BFSP2: variants seen among roughly 807,000 people sequenced by gnomAD.
The protein encoded by BFSP2 is phakinin.
Under a neutral mutation model 44.9 loss-of-function variants are expected in BFSP2, and 38 were observed. That is an observed-to-expected ratio of 0.85 (90% CI 0.65 to 1.11). The LOEUF (loss-of-function observed/expected upper bound fraction) is 1.11. Among genes scored for constraint, BFSP2 ranks in the 50% least tolerant of loss-of-function variants. BFSP2 has a pLI of 0.00. For missense variants in BFSP2, 525 were observed against 533.0 expected (o/e 0.99, Z 0.15); for synonymous variants, 197 against 209.9 (o/e 0.94, Z 0.53).
In BFSP2 at chr3:133,400,337, T is replaced by A. The variant is rs1349351627; in HGVS notation, c.254T>A (p.Leu85His). The A allele has an allele frequency of 6.8e-6, 11 of 1,613,952 alleles. No homozygotes were observed. The highest frequency in any genetic ancestry group is 7.6e-6 in the Non-Finnish European group (9 of 1,180,054). Reference protein sequence around the residue: ...RRALGISSVFLQGLRSSGLAT... With the variant: ...RRALGISSVFHQGLRSSGLAT... ...GCCCTCGGCATCAGCAGTGTCTTCC[T>A]TCAGGGCCTGCGGAGCTCAGGCCTG... The change falls in exon 1 of 7, where the codon CTT becomes CAT. Residue 85 changes from leucine to histidine, a missense_variant. Coordinates refer to ENST00000302334, the MANE Select transcript of BFSP2 (RefSeq NM_003571.4). This position sits in a 1 kb window ranked among gnomAD's most constrained non-coding sequence, Gnocchi z 4.0.
rs1234177708 is a variant in BFSP2 at position 133,400,980 on chromosome 3, G to A, written c.489+408G>A. 6.6e-6 allele frequency among the ~76,000 whole-genome samples: 1 copy of A among 152,190 alleles called. No homozygotes were observed. The highest frequency in any genetic ancestry group is 2.4e-5 in the African/African-American group (1 of 41,434). ...TGGGGCTGCCTCAGTCACCTTTACT[G>A]TTGAGAAGGGATTTTTACAGCTATT... On this transcript the variant is annotated intron_variant, in intron 1 of 6. Coordinates refer to ENST00000302334, the MANE Select transcript of BFSP2 (RefSeq NM_003571.4). This position sits in a 1 kb window ranked among gnomAD's most constrained non-coding sequence, Gnocchi z 4.0.
intron 1 of BFSP2, among the ~76,000 whole-genome samples, chr3:133,418,734 T>C (rs1178535657): frequency 6.6e-6 from 1 of 152,168 alleles, no homozygotes; most frequent in East Asian, 1.9e-4. Flanking sequence ...AACAAAATCA[T>C]GTTCCTTCCC....
chr3:133,446,768 CA>C (rs1399987209), intron 1 of BFSP2, among the ~76,000 whole-genome samples: 1 of 150,578 alleles, frequency 6.6e-6, no homozygotes, highest in Non-Finnish European at 1.5e-5. Flanking sequence ...ACTATATCCA[CA>C]ATGTTTATGT....
chr3:133,400,166 G>C lies in BFSP2; in HGVS notation c.83G>C (p.Arg28Thr). ...CTCCAGAGGCGCAGGGCGTCCTTCA[G>C]GGGGCCACGGTCATCATCCTCCCTG... The part of the protein sequence containing the change: ...MPLQRRRASF[R>T]GPRSSSSLES... The change falls in exon 1 of 7, where the codon AGG becomes ACG. Residue 28 changes from arginine to threonine, a missense_variant. Coordinates refer to ENST00000302334, the MANE Select transcript of BFSP2 (RefSeq NM_003571.4). The surrounding 1 kb of genome is among the most constrained non-coding windows in gnomAD (Gnocchi z 4.0). 8 of 1,614,130 alleles carry C rather than the reference G, an allele frequency of 5.0e-6. No individual in the cohort carries two copies. The highest frequency in any genetic ancestry group is 6.8e-6 in the Non-Finnish European group (8 of 1,180,032).
chr3:133,433,662 C>T (rs953866875), intron 1 of BFSP2, among the ~76,000 whole-genome samples: 1 of 152,210 alleles, frequency 6.6e-6, no homozygotes, highest in African/African-American at 2.4e-5. Flanking sequence ...TCAGTTTAGC[C>T]TTCCCACCTC....
intron 3 of BFSP2, among the ~76,000 whole-genome samples, chr3:133,450,016 A>AGGAAGGAAGGAAGGAG (rs1225503133): frequency 0.016 from 1,495 of 92,506 alleles, 14 homozygotes; most frequent in African/African-American, 0.046. Context: ...GAAGGAAGGA[A>AGGAAGGAAGGAAGGAG]GGAGGGAGGG....
intron 1 of BFSP2, among the ~76,000 whole-genome samples, chr3:133,446,597 T>A (rs1247852315): frequency 6.0e-4 from 19 of 31,502 alleles, no homozygotes; most frequent in African/African-American, 3.0e-3. Context: ...TATATATATA[T>A]ATATATATAT....
At position 133,472,358 on chromosome 3, in the gene BFSP2, AG is replaced by A; in HGVS notation, c.1038del (p.Asn347ThrfsTer78). 6.2e-7 allele frequency: 1 copy of A among 1,612,742 alleles called. No homozygotes were observed. The highest frequency in any genetic ancestry group is 8.5e-7 in the Non-Finnish European group (1 of 1,179,954). On this transcript the variant is annotated frameshift_variant, in exon 6 of 7. Coordinates refer to ENST00000302334, the MANE Select transcript of BFSP2 (RefSeq NM_003571.4). LOFTEE classifies it high-confidence loss of function. The stretch of plus-strand genomic sequence containing the variant: ...GCTCTTTTGTAGAAACGAGGCCTGG[AG>A]AACACCTTGCACGATGCCAAGCACT... ...ESLRALKRGLENTLHDAKHWH... is the reference protein window; with the variant it reads ...ESLRALKRGLXNTLHDAKHWH...
At chr3:133,429,447 C>A (rs2073686794) in intron 1 of BFSP2, 1 of 152,318 alleles carries the variant, frequency 6.6e-6, no homozygotes, top group Admixed American at 6.5e-5. Flanking sequence ...CTCAGGGGAC[C>A]TCAGTCTTTG....
At chr3:133,440,335 C>T (rs2073833173) in intron 1 of BFSP2, among the ~76,000 whole-genome samples, 1 of 152,198 alleles carries the variant, frequency 6.6e-6, no homozygotes, top group African/African-American at 2.4e-5. Context: ...CCAACCATAT[C>T]AGCAGGAGAT....
chr3:133,412,438 A>C (rs1304791356), intron 1 of BFSP2: 1 of 152,276 alleles, frequency 6.6e-6, no homozygotes, highest in Non-Finnish European at 1.5e-5. Flanking sequence ...AGCTGCTTAC[A>C]TGAGCGCGTT....
At chr3:133,446,570 TTATATATA>T (rs1168844039) in intron 1 of BFSP2, among the ~76,000 whole-genome samples, 2 of 22,384 alleles carry the variant, frequency 8.9e-5, no homozygotes, top group Non-Finnish European at 3.0e-4. Context: ...AGCTCACCAT[TTATATATA>T]TATATATATA....
chr3:133,431,076 ATGGTTCGTT>A (rs2073711726), intron 1 of BFSP2, among the ~76,000 whole-genome samples: 1 of 102,680 alleles, frequency 9.7e-6, no homozygotes, highest in Admixed American at 1.1e-4. Context: ...AGCCCAGTTC[ATGGTTCGTT>A]CGGCAGCAAC....
intron 4 of BFSP2, among the ~76,000 whole-genome samples, chr3:133,462,454 G>A (rs1456028366): frequency 6.6e-6 from 1 of 152,176 alleles, no homozygotes; most frequent in Non-Finnish European, 1.5e-5. Context: ...ATCATGTGAG[G>A]GACTGTGGCT....
intron 4 of BFSP2, chr3:133,455,262 C>G (rs1425555004): frequency 6.6e-6 from 1 of 152,196 alleles, no homozygotes; most frequent in Non-Finnish European, 1.5e-5. Flanking sequence ...ATATGACTGG[C>G]AGTGCAATAG....
Position 133,424,212 on chromosome 3 carries a change from A to ATT in BFSP2, c.490-23077_490-23076dup, listed in dbSNP as rs112772093. Among the ~76,000 whole-genome samples the ATT allele has an allele frequency of 2.5e-3, 164 of 64,722 alleles. 2 individuals are homozygous for ATT. The highest frequency in any genetic ancestry group is 4.6e-3 in the Non-Finnish European group (114 of 24,564). 42.5% of individuals were successfully genotyped at this position (64,722 alleles called of 152,430 possible). On this transcript the variant is annotated intron_variant, in intron 1 of 6. Transcript: ENST00000302334. Reference sequence around the variant, plus strand: ...AGGCGCCTACCACCGCGTCCAGCTAATTTTTTTTTTTTTTTTTTTTTTTTT... The same window carrying ATT: ...AGGCGCCTACCACCGCGTCCAGCTAATTTTTTTTTTTTTTTTTTTTTTTTTTT...
chr3:133,474,779 T>G (rs550716759), intron 6 of BFSP2, among the ~76,000 whole-genome samples, 190 bp from the exon 7 acceptor site: 7 of 152,330 alleles, frequency 4.6e-5, no homozygotes, highest in African/African-American at 1.4e-4. Flanking sequence ...AAACAAAGCC[T>G]CAGAGAGCTT....
At chr3:133,415,893 T>C (rs1229622451) in intron 1 of BFSP2, among the ~76,000 whole-genome samples, 5 of 67,626 alleles carry the variant, frequency 7.4e-5, no homozygotes, top group Admixed American at 1.7e-4. Context: ...CTACTCACGC[T>C]TGCCCTCTCC....
Position 133,466,811 on chromosome 3 carries a change from G to C in BFSP2, c.892-17G>C, listed in dbSNP as rs17366213. On this transcript the variant is annotated splice_polypyrimidine_tract_variant and intron_variant, in intron 4 of 6. Transcript: ENST00000302334. ...TTCTGATCATCACCGCTCACACTGA[G>C]ACCTGACTCTCCACAGCAACAGGCG... 3,275 of 1,608,328 alleles carry C rather than the reference G, an allele frequency of 2.0e-3. 33 individuals are homozygous for C. The African/African-American group carries it at 0.025, about 12-fold the overall frequency.
Sources: allele counts gnomAD v4.1 joint callset (sites outside exome capture counted in the v4.1 genomes callset), GRCh38; gene constraint gnomAD v4.1.1; non-coding constraint Gnocchi (gnomAD v3.1); transcripts MANE v1.5; gene names NCBI Gene and HGNC (gene_info 2026-07-23, HGNC 2026-07-21).